The following PLPP2 variants were observed in gnomAD, a reference collection of about 807,000 sequenced individuals.
The protein encoded by PLPP2 is phospholipid phosphatase 2.
In PLPP2, 29 loss-of-function variants were observed where a neutral mutation model predicts 35.2. That is an observed-to-expected ratio of 0.82 (90% CI 0.61 to 1.12). The LOEUF (loss-of-function observed/expected upper bound fraction) is 1.12, where lower values mean the gene tolerates loss of function less well. PLPP2 is among the 50% of genes most tolerant of loss of function. PLPP2 has a pLI of 0.00. For synonymous variants in PLPP2, 162 were observed against 167.0 expected (o/e 0.97, Z 0.23); for missense variants, 353 against 375.2 (o/e 0.94, Z 0.49).
chr19:284,764 T>G (rs997115615), intron 3 of PLPP2: 1 of 152,304 alleles, frequency 6.6e-6, no homozygotes, highest in African/African-American at 2.4e-5. Context: ...GAAAAATCAC[T>G]TGAGGGAGGC....
rs187183516 is a variant in PLPP2 at position 282,899 on chromosome 19, C to A, written c.483-90G>T. 6.7e-5 allele frequency: 81 copies of A among 1,208,286 alleles called. 1 individual carries two copies. The African/African-American group carries it at 8.4e-4, about 13-fold the overall frequency. The allele number at this position is 1,208,286 out of a possible 1,614,324, so 74.8% of individuals were successfully genotyped here. A position where few individuals can be genotyped will look rare whatever the true frequency, so the allele number is the denominator to read the frequency against. ...CGCCCACAGAAGGGAGGGCTCGACA[C>A]GGAGGCTGCTGCTGTTAGATGCACT... is the stretch of plus-strand genomic sequence containing the variant. On this transcript the variant is annotated intron_variant, in intron 3 of 5. Coordinates refer to ENST00000434325, the MANE Select transcript of PLPP2 (RefSeq NM_003712.4).
chr19:286,843 T>A (rs575221479), intron 3 of PLPP2: 1 of 152,272 alleles, frequency 6.6e-6, no homozygotes, highest in Admixed American at 6.5e-5. Context: ...CACGTTCCTG[T>A]AGTCCTAGCT....
chr19:288,052 C>T lies in PLPP2; in HGVS notation c.172G>A (p.Ala58Thr). ...ACGGTGGCCGTGATGGTGACCCCAG[C>T]CATGAGCCCGTGGGTGATGGTATCT... ...RPDTITHGLM[A>T]GVTITATVIL... Residue 58 changes from alanine (A) to threonine (T), a missense_variant, in exon 2 of 6, where the codon GCT (alanine) becomes ACT (threonine). Transcript: ENST00000434325. 1.9e-6 allele frequency: 3 copies of T among 1,613,812 alleles called. No homozygotes were observed. Among genetic ancestry groups the T allele is most frequent in the Non-Finnish European group, 1.7e-6 (2 of 1,179,958 alleles).
At position 287,090 on chromosome 19, in the gene PLPP2, T is replaced by C. The variant is rs974043116; in HGVS notation, c.482+384A>G. On this transcript the variant is annotated intron_variant, in intron 3 of 5. Transcript: ENST00000434325. This position sits in a 1 kb window ranked among gnomAD's most constrained non-coding sequence, Gnocchi z 4.3. ...AAGAATGGAAAAAAAAAATATTCCA[T>C]GCAAACAATAACAAAAAGAGAACCA... 1 of 181,976 alleles carries C rather than the reference T, an allele frequency of 5.5e-6. No homozygotes were observed. Among genetic ancestry groups the C allele is most frequent in the African/African-American group, 2.4e-5 (1 of 42,002 alleles). The allele number at this position is 181,976 out of a possible 1,614,324, so 11.3% of individuals were successfully genotyped here.
intron 3 of PLPP2, chr19:285,906 G>A (rs1381884379): frequency 1.3e-5 from 2 of 152,220 alleles, no homozygotes; most frequent in East Asian, 1.9e-4. Context: ...AGAGGTTGCA[G>A]TGAGCCAAGA....
chr19:281,081 A>G lies in PLPP2; in HGVS notation c.*307T>C, dbSNP rs1970165364. The G allele has an allele frequency of 4.0e-6, 1 of 250,550 alleles. No individual in the cohort carries two copies. The highest frequency in any genetic ancestry group is 7.3e-5 in the East Asian group (1 of 13,710). 15.5% of individuals were successfully genotyped at this position (250,550 alleles called of 1,614,324 possible). A position where few individuals can be genotyped will look rare whatever the true frequency, so the allele number is the denominator to read the frequency against. ...TGCCCTATTTTACTAAAAACCACAT[A>G]TACATTACATTTTACAAAACAGCAA... On this transcript the variant is annotated 3_prime_UTR_variant, in exon 6 of 6. Transcript: ENST00000434325.
intron 3 of PLPP2, chr19:285,633 T>G (rs1311462141): frequency 7.1e-6 from 1 of 140,764 alleles, no homozygotes; most frequent in Non-Finnish European, 1.5e-5. Flanking sequence ...AAAAAAACAT[T>G]ATTCAGCCTG....
Position 287,577 on chromosome 19 carries a change from A to C in PLPP2, c.379T>G (p.Phe127Val), listed in dbSNP as rs1160983096. Residue 127 changes from phenylalanine to valine, a missense_variant, in exon 3 of 6, where the codon TTC becomes GTC. Phe to Val is a conservative substitution (Grantham distance 50). Coordinates refer to ENST00000434325, the MANE Select transcript of PLPP2 (RefSeq NM_003712.4). The surrounding 1 kb of genome is among the most constrained non-coding windows in gnomAD (Gnocchi z 4.3). ...KYMIGRLRPN[F>V]LAVCDPDWSR... ...CAGTCGGGGTCGCAGACGGCTAGGAAGTTGGGCCTCAGACGCCCAATCATG... is the reference window on the plus strand; with the variant it reads ...CAGTCGGGGTCGCAGACGGCTAGGACGTTGGGCCTCAGACGCCCAATCATG... 6.2e-7 allele frequency: 1 copy of C among 1,613,872 alleles called. No homozygotes were observed.
chr19:291,331 C>T lies in PLPP2; in HGVS notation c.6G>A (p.Gln2=), dbSNP rs1970386002. The change falls in exon 1 of 6, where the codon CAG becomes CAA. Residue 2 remains glutamine, a synonymous_variant. Coordinates refer to ENST00000434325, the MANE Select transcript of PLPP2 (RefSeq NM_003712.4). The part of the protein sequence containing the change: M[Q]RRWVFVLLDV... The stretch of plus-strand genomic sequence containing the variant: ...CGAGCAGCACGAAGACCCACCTCCG[C>T]TGCATGGTCCCCGCGACCCCCGACG... 3 of 1,592,614 alleles carry T rather than the reference C, an allele frequency of 1.9e-6. No individual in the cohort carries two copies. The African/African-American group carries it at 4.2e-5, about 22-fold the overall frequency.
In PLPP2 at chr19:281,417, G is replaced by T; in HGVS notation, c.838C>A (p.His280Asn). Residue 280 changes from histidine to asparagine, a missense_variant, in exon 6 of 6, where the codon CAC (histidine) becomes AAC (asparagine). By Grantham distance (68) the His-to-Asn change is moderately conservative (BLOSUM62 1). Coordinates refer to ENST00000434325, the MANE Select transcript of PLPP2 (RefSeq NM_003712.4). Reference sequence around the variant, plus strand: ...GAGGAGGAGTGCGGGTATCCATAGTGGTTGTGGTCAGCCTCGCCCAGGGTC... The same window carrying T: ...GAGGAGGAGTGCGGGTATCCATAGTTGTTGTGGTCAGCCTCGCCCAGGGTC... Reference protein sequence around the residue: ...TLTLGEADHNHYGYPHSSS With the variant: ...TLTLGEADHNNYGYPHSSS The T allele has an allele frequency of 4.0e-6, 6 of 1,497,634 alleles. No individual in the cohort carries two copies. The highest frequency in any genetic ancestry group is 5.4e-6 in the Non-Finnish European group (6 of 1,121,108). The allele number at this position is 1,497,634 out of a possible 1,614,324, so 92.8% of individuals were successfully genotyped here.
Position 287,759 on chromosome 19 carries a change from A to G in PLPP2, c.205-8T>C. On this transcript the variant is annotated splice_polypyrimidine_tract_variant and splice_region_variant and intron_variant, in intron 2 of 5. Transcript: ENST00000434325. This position sits in a 1 kb window ranked among gnomAD's most constrained non-coding sequence, Gnocchi z 4.3. Reference sequence around the variant, plus strand: ...GGCTTCCCCGGCCGAGACCTGCAAGAGCAGCCGCAGGAACCAGTGGGGGTC... The same window carrying G: ...GGCTTCCCCGGCCGAGACCTGCAAGGGCAGCCGCAGGAACCAGTGGGGGTC... 1.2e-6 allele frequency: 2 copies of G among 1,612,440 alleles called. No homozygotes were observed. Among genetic ancestry groups the G allele is most frequent in the Non-Finnish European group, 1.7e-6 (2 of 1,179,352 alleles).
chr19:287,715 G>A lies in PLPP2; in HGVS notation c.241C>T (p.Arg81Trp), dbSNP rs775243523. ...TTGAAGTCCGAGCGAGAATAGAGCC[G>A]GTCTGTGTACACCAGGTAGGCTTCC... Reference protein sequence around the residue: ...AGEAYLVYTDRLYSRSDFNNY... With the variant: ...AGEAYLVYTDWLYSRSDFNNY... Residue 81 changes from arginine (R) to tryptophan (W), a missense_variant, in exon 3 of 6, where the codon CGG becomes TGG. By Grantham distance (101) the Arg-to-Trp change is moderately radical. Transcript: ENST00000434325. The surrounding 1 kb of genome is among the most constrained non-coding windows in gnomAD (Gnocchi z 4.3). The A allele has an allele frequency of 8.7e-6, 14 of 1,613,696 alleles. No homozygotes were observed. In the Middle Eastern group the frequency reaches 4.9e-4, roughly 57 times the overall value.
intron 1 of PLPP2, 172 bp from the exon 2 acceptor site, chr19:288,343 C>A: frequency 1.8e-6 from 1 of 568,508 alleles, no homozygotes; most frequent in Non-Finnish European, 2.9e-6. Context: ...CTCAGACAAA[C>A]ACAAACTCCT....
At chr19:282,999 G>A (rs1970210907) in intron 3 of PLPP2, 190 bp from the exon 4 acceptor site, 6 of 601,928 alleles carry the variant, frequency 1.0e-5, no homozygotes, top group Admixed American at 6.0e-5. Context: ...CTCTGACTGG[G>A]GCTGTGGCAT....
chr19:283,345 A>G (rs932475583), intron 3 of PLPP2: 1 of 155,656 alleles, frequency 6.4e-6, no homozygotes, highest in African/African-American at 2.4e-5. Flanking sequence ...GCCTTGTCGC[A>G]TTTTAACTCA....
Position 281,553 on chromosome 19 carries a change from G to A in PLPP2, c.718-16C>T, listed in dbSNP as rs1300838311. 4 of 1,464,390 alleles carry A rather than the reference G, an allele frequency of 2.7e-6. No individual in the cohort carries two copies. The highest frequency in any genetic ancestry group is 2.5e-5 in the East Asian group (1 of 40,216). The allele number at this position is 1,464,390 out of a possible 1,614,324, so 90.7% of individuals were successfully genotyped here. Reference sequence around the variant, plus strand: ...TGTAGCAGACCTGGTAGAGCAGAGGGTGGTGAGAATGGGCAGGGGGCTGTC... The same window carrying A: ...TGTAGCAGACCTGGTAGAGCAGAGGATGGTGAGAATGGGCAGGGGGCTGTC... On this transcript the variant is annotated splice_polypyrimidine_tract_variant and intron_variant, in intron 5 of 5. Coordinates refer to ENST00000434325, the MANE Select transcript of PLPP2 (RefSeq NM_003712.4).
chr19:288,705 G>C (rs1224717557), intron 1 of PLPP2, among the ~76,000 whole-genome samples: 1 of 152,142 alleles, frequency 6.6e-6, no homozygotes, highest in Non-Finnish European at 1.5e-5. Flanking sequence ...AGAAGGAAAG[G>C]TCTGCTCTTT....
chr19:282,037 G>A, intron 5 of PLPP2, 97 bp downstream of exon 5: 1 of 1,383,250 alleles, frequency 7.2e-7, no homozygotes, highest in Non-Finnish European at 9.9e-7. Flanking sequence ...GCCCAAGGAA[G>A]GACTCAGTGG....
intron 1 of PLPP2, among the ~76,000 whole-genome samples, chr19:289,466 A>AC (rs1555684257): frequency 1.3e-5 from 2 of 151,792 alleles, no homozygotes; most frequent in African/African-American, 2.4e-5. Context: ...GTGGTGGCTC[A>AC]GCACTTTGGG....
Sources: gnomAD v4.1 joint callset for allele counts (sites outside exome capture counted in the v4.1 genomes callset) on GRCh38, gnomAD v4.1.1 for gene constraint, Gnocchi (gnomAD v3.1) non-coding constraint, MANE v1.5 for transcripts, NCBI Gene and HGNC (gene_info 2026-07-23, HGNC 2026-07-21) for gene names.